Variants in SETBP1 observed in about 807,000 individuals in gnomAD.
SETBP1 encodes the protein SET-binding protein.
In SETBP1, 9 loss-of-function variants were observed where a neutral mutation model predicts 101.0. The ratio of observed to expected loss-of-function variants is 0.09; its 90% CI spans 0.05 to 0.16. The LOEUF (loss-of-function observed/expected upper bound fraction) is 0.16. Among genes scored for constraint, SETBP1 ranks in the 10% least tolerant of loss-of-function variants. The pLI is 1.00. For missense variants in SETBP1, 1,858 were observed against 2,033.8 expected, an observed-to-expected ratio of 0.91 and a Z score of 1.66; for synonymous variants, 818 against 788.5, an observed-to-expected ratio of 1.04 and a Z score of -0.63.
chr18:44,717,201 G>C (rs562927025), intron 2 of SETBP1, among the ~76,000 whole-genome samples: 1 of 152,276 alleles, frequency 6.6e-6, no homozygotes, highest in South Asian at 2.1e-4. Context: ...CTGAACCCAA[G>C]GCTGGAATCA....
In SETBP1 at chr18:44,794,018, G is replaced by A. The variant is rs553851790; in HGVS notation, c.487-75212G>A. 1.2e-4 allele frequency among the ~76,000 whole-genome samples: 19 copies of A among 152,268 alleles called. No individual in the cohort carries two copies. The South Asian group carries it at 3.3e-3, about 27-fold the overall frequency. The stretch of plus-strand genomic sequence containing the variant: ...GTTAGTCAGAGTTGGACTATTGGCC[G>A]CTTCTTTGGTTTCTGTAACTACTGT... On this transcript the variant is annotated intron_variant, in intron 2 of 5. Transcript: ENST00000649279.
chr18:44,817,246 A>T (rs1190913818), intron 2 of SETBP1, among the ~76,000 whole-genome samples: 1 of 152,064 alleles, frequency 6.6e-6, no homozygotes, highest in Admixed American at 6.6e-5. Context: ...TACATTCCAA[A>T]CCAGCCAGCT....
chr18:45,032,569 C>T lies in SETBP1; in HGVS notation c.4001-5916C>T, dbSNP rs182897948. Among the ~76,000 whole-genome samples the T allele has an allele frequency of 1.1e-4, 17 of 152,252 alleles. 1 individual carries two copies. Among genetic ancestry groups the T allele is most frequent in the African/African-American group, 3.9e-4 (16 of 41,552 alleles). On this transcript the variant is annotated intron_variant, in intron 4 of 5. Transcript: ENST00000649279. ...GAAGTAAAACTTATTTGACATAAAA[C>T]TAATGCTGATAGGGTCACCACCTCT...
chr18:44,759,112 G>T (rs991112048), intron 2 of SETBP1, among the ~76,000 whole-genome samples: 2 of 152,180 alleles, frequency 1.3e-5, no homozygotes, highest in Non-Finnish European at 2.9e-5. Context: ...TGGTGAGTCA[G>T]TTTTTTTGTG....
chr18:44,969,001 CA>C (rs1169272053), intron 4 of SETBP1, among the ~76,000 whole-genome samples: 1 of 152,134 alleles, frequency 6.6e-6, no homozygotes, highest in Non-Finnish European at 1.5e-5. Context: ...TGGTGGGAGT[CA>C]GGGGTGGGAG....
At chr18:45,030,299 A>G (rs1204317841) in intron 4 of SETBP1, among the ~76,000 whole-genome samples, 3 of 124,076 alleles carry the variant, frequency 2.4e-5, no homozygotes, top group Non-Finnish European at 5.1e-5. Context: ...TTCTGTTTAT[A>G]TGCTGGATTA....
At chr18:44,828,434 C>G (rs542614506) in intron 2 of SETBP1, among the ~76,000 whole-genome samples, 3 of 152,208 alleles carry the variant, frequency 2.0e-5, no homozygotes, top group Non-Finnish European at 4.4e-5. Context: ...TACTACTGAA[C>G]TTGATGTCTC....
intron 4 of SETBP1, among the ~76,000 whole-genome samples, chr18:44,961,387 G>A (rs1447837383): frequency 6.6e-6 from 1 of 152,184 alleles, no homozygotes. Context: ...CATATGTTTG[G>A]AGCCTCGTGG....
chr18:44,910,968 A>C (rs763678896), intron 3 of SETBP1, among the ~76,000 whole-genome samples: 3 of 152,218 alleles, frequency 2.0e-5, no homozygotes, highest in Non-Finnish European at 4.4e-5. Flanking sequence ...AATTGTGGGT[A>C]TCAATATAGG....
At chr18:44,912,707 G>A (rs1047093631) in intron 3 of SETBP1, among the ~76,000 whole-genome samples, 1 of 152,094 alleles carries the variant, frequency 6.6e-6, no homozygotes, top group Non-Finnish European at 1.5e-5. Flanking sequence ...GTGAGCCACC[G>A]TGCCTGGCCA....
At chr18:45,021,054 A>G (rs7236870) in intron 4 of SETBP1, among the ~76,000 whole-genome samples, 64,015 of 152,012 alleles carry the variant, frequency 0.42, 14,218 homozygotes, top group African/African-American at 0.55. Context: ...TTTTGCAATG[A>G]CATTGTTACT....
At chr18:44,954,044 C>T (rs2071427306) in intron 4 of SETBP1, among the ~76,000 whole-genome samples, 1 of 152,208 alleles carries the variant, frequency 6.6e-6, no homozygotes, top group African/African-American at 2.4e-5. Context: ...GACCTTATAA[C>T]TGTGTCTCTT....
At chr18:44,816,574 G>A (rs557328460) in intron 2 of SETBP1, among the ~76,000 whole-genome samples, 1 of 152,270 alleles carries the variant, frequency 6.6e-6, no homozygotes, top group Non-Finnish European at 1.5e-5. Flanking sequence ...AGCCAGGACG[G>A]GAGTCCTTTC....
chr18:44,809,586 A>G (rs1263784950), intron 2 of SETBP1, among the ~76,000 whole-genome samples: 3 of 152,204 alleles, frequency 2.0e-5, no homozygotes, highest in Admixed American at 6.5e-5. Context: ...TTCTGGATCC[A>G]GGGAAGAGGC....
chr18:44,688,825 T>C (rs1164173290), intron 1 of SETBP1, among the ~76,000 whole-genome samples: 3 of 152,204 alleles, frequency 2.0e-5, no homozygotes, highest in Non-Finnish European at 4.4e-5. Context: ...GAAATCTCTG[T>C]GAACCTTTCT....
chr18:45,028,846 T>TTTGA (rs1405633526), intron 4 of SETBP1, among the ~76,000 whole-genome samples: 2 of 152,228 alleles, frequency 1.3e-5, no homozygotes, highest in African/African-American at 4.8e-5. Context: ...TCACCCACTT[T>TTTGA]TTGATTGGGT....
At chr18:44,964,707 C>G (rs918198762) in intron 4 of SETBP1, among the ~76,000 whole-genome samples, 3 of 152,082 alleles carry the variant, frequency 2.0e-5, no homozygotes, top group Non-Finnish European at 2.9e-5. Flanking sequence ...TGCACAGGTC[C>G]CCAGCTGATG....
At chr18:44,754,694 G>A (rs147353417) in intron 2 of SETBP1, among the ~76,000 whole-genome samples, 7 of 152,200 alleles carry the variant, frequency 4.6e-5, no homozygotes, top group African/African-American at 9.6e-5. Context: ...TATCTAAACC[G>A]CTTAATAAAT....
chr18:44,756,210 C>T (rs529261558), intron 2 of SETBP1, among the ~76,000 whole-genome samples: 1 of 145,862 alleles, frequency 6.9e-6, no homozygotes, highest in Non-Finnish European at 1.5e-5. Flanking sequence ...GAGTAAGACT[C>T]CATGTCAAAA....
Sources: allele counts gnomAD v4.1 joint callset (sites outside exome capture counted in the v4.1 genomes callset), GRCh38; gene constraint gnomAD v4.1.1; transcripts MANE v1.5; gene names NCBI Gene and HGNC (gene_info 2026-07-23, HGNC 2026-07-21).